The following EYA4 variants were observed in gnomAD, a reference collection of about 807,000 sequenced individuals.
EYA4 encodes the protein EYA transcriptional coactivator and phosphatase 4.
In EYA4, 31 loss-of-function variants were observed where a neutral mutation model predicts 87.9. The ratio of observed to expected loss-of-function variants is 0.35; its 90% CI spans 0.27 to 0.48. The LOEUF (loss-of-function observed/expected upper bound fraction) is 0.48, where lower values mean the gene tolerates loss of function less well. EYA4 is among the 20% of genes least tolerant of loss of function. The probability of loss-of-function intolerance (pLI) is 0.99; values close to 1 mark genes in which losing one functional copy is unlikely to be tolerated. For synonymous variants in EYA4, 263 were observed against 270.6 expected (o/e 0.97, Z 0.28); for missense variants, 678 against 761.4 (o/e 0.89, Z 1.29).
intron 2 of EYA4, among the ~76,000 whole-genome samples, chr6:133,329,309 T>C (rs990380187): frequency 6.6e-6 from 1 of 152,014 alleles, no homozygotes; most frequent in Non-Finnish European, 1.5e-5. Flanking sequence ...CAGTCTAGAG[T>C]GCAATACTCC....
intron 2 of EYA4, among the ~76,000 whole-genome samples, chr6:133,320,690 C>G (rs151294074): frequency 1.3e-5 from 2 of 152,232 alleles, no homozygotes; most frequent in African/African-American, 4.8e-5. Context: ...ACCCTCCCCT[C>G]TTTTTGGATT....
rs73557715 is a variant in EYA4 at position 133,264,222 on chromosome 6, G to T, written c.-65-10494G>T. On this transcript the variant is annotated intron_variant, in intron 1 of 19. Coordinates refer to ENST00000355286, the MANE Select transcript of EYA4 (RefSeq NM_004100.5). ...CCCCAGAACTACTACTTGGGACGGT[G>T]GTCCCAGGGAGCAAAAAACACCCCT... Among the ~76,000 whole-genome samples the T allele has an allele frequency of 3.4e-3, 515 of 152,306 alleles. 6 individuals are homozygous for T. Among genetic ancestry groups the T allele is most frequent in the African/African-American group, 0.012 (488 of 41,582 alleles).
chr6:133,314,279 A>G (rs914607401), intron 2 of EYA4, among the ~76,000 whole-genome samples: 2 of 152,184 alleles, frequency 1.3e-5, no homozygotes, highest in African/African-American at 4.8e-5. Context: ...GTTATACACA[A>G]AAGTTGTTAA....
At chr6:133,403,275 A>G (rs1010201304) in intron 3 of EYA4, among the ~76,000 whole-genome samples, 5 of 152,228 alleles carry the variant, frequency 3.3e-5, no homozygotes, top group African/African-American at 9.6e-5. Flanking sequence ...CTTTAAAACC[A>G]TCTTGATTTG....
Position 133,456,630 on chromosome 6 carries a change from G to A in EYA4, c.352G>A (p.Asp118Asn), listed in dbSNP as rs768809523. Residue 118 changes from aspartate to asparagine, a missense_variant, in exon 6 of 20, where the codon GAC becomes AAC. By Grantham distance (23) the Asp-to-Asn change is conservative. Transcript: ENST00000355286. The stretch of plus-strand genomic sequence containing the variant: ...AGCCACGACTGGAGATGGAGCGCTT[G>A]ACACTTTTACTGGGTCAGGTAAAGC... The part of the protein sequence containing the change: ...TTATTGDGAL[D>N]TFTGSVITSS... The A allele has an allele frequency of 9.9e-6, 16 of 1,613,048 alleles. No individual in the cohort carries two copies. In the South Asian group the frequency reaches 1.6e-4, roughly 17 times the overall value.
intron 11 of EYA4, among the ~76,000 whole-genome samples, chr6:133,469,946 C>T (rs1028266860): frequency 1.3e-5 from 2 of 151,416 alleles, no homozygotes; most frequent in African/African-American, 2.4e-5. Flanking sequence ...TGTTTGTTTT[C>T]TTCTTGTAAA....
Position 133,448,090 on chromosome 6 carries a change from T to C in EYA4, c.209-21T>C, listed in dbSNP as rs1171715651. The C allele has an allele frequency of 3.1e-6, 5 of 1,601,630 alleles. No homozygotes were observed. In the African/African-American group the frequency reaches 5.4e-5, roughly 17 times the overall value. On this transcript the variant is annotated intron_variant, in intron 4 of 19. Coordinates refer to ENST00000355286, the MANE Select transcript of EYA4 (RefSeq NM_004100.5). ...CAGCAGGCATTCAGACAATGAACTT[T>C]TATACTGTTCCTGTTCTCAGGGGAA...
intron 2 of EYA4, among the ~76,000 whole-genome samples, chr6:133,373,691 A>T (rs1158588244): frequency 6.6e-6 from 1 of 152,084 alleles, no homozygotes; most frequent in Non-Finnish European, 1.5e-5. Flanking sequence ...GACACCCAGG[A>T]CGGCAAAGAA....
intron 2 of EYA4, among the ~76,000 whole-genome samples, chr6:133,308,166 G>T (rs980181666): frequency 2.0e-5 from 3 of 152,164 alleles, no homozygotes. Context: ...CCAGTCTCAG[G>T]TGTTTCTTCA....
At chr6:133,260,488 T>C (rs1775712053) in intron 1 of EYA4, among the ~76,000 whole-genome samples, 1 of 152,192 alleles carries the variant, frequency 6.6e-6, no homozygotes, top group Admixed American at 6.5e-5. Context: ...TCTGCCTGCC[T>C]GAGCCTCCCA....
intron 2 of EYA4, among the ~76,000 whole-genome samples, chr6:133,276,522 A>G (rs1777177416): frequency 6.6e-6 from 1 of 152,234 alleles, no homozygotes; most frequent in Non-Finnish European, 1.5e-5. Flanking sequence ...CTTGTAAATC[A>G]GATATGGTGT....
intron 17 of EYA4, among the ~76,000 whole-genome samples, chr6:133,522,162 TAG>T (rs1800231644): frequency 1.5e-5 from 2 of 137,370 alleles, no homozygotes; most frequent in Admixed American, 1.5e-4. Context: ...ATCTACATGG[TAG>T]AGTAGTTTTT....
intron 1 of EYA4, among the ~76,000 whole-genome samples, chr6:133,274,248 A>G (rs552976926): frequency 6.6e-6 from 1 of 152,302 alleles, no homozygotes; most frequent in Non-Finnish European, 1.5e-5. Context: ...AGTGAAGAGT[A>G]ATTATTTTTC....
chr6:133,432,352 C>T (rs1166226419), intron 3 of EYA4, among the ~76,000 whole-genome samples: 1 of 152,240 alleles, frequency 6.6e-6, no homozygotes, highest in Non-Finnish European at 1.5e-5. Flanking sequence ...CATTTCTCAT[C>T]TTGCTCTTTG....
chr6:133,393,182 CAT>C (rs1331417546), intron 3 of EYA4, among the ~76,000 whole-genome samples: 1 of 152,066 alleles, frequency 6.6e-6, no homozygotes, highest in Non-Finnish European at 1.5e-5. Flanking sequence ...TGAGTAGAAA[CAT>C]AGAAGCTTTT....
At chr6:133,364,063 A>G (rs1784674975) in intron 2 of EYA4, among the ~76,000 whole-genome samples, 1 of 152,154 alleles carries the variant, frequency 6.6e-6, no homozygotes, top group South Asian at 2.1e-4. Flanking sequence ...GTTCAGCCTC[A>G]CCATCACCTG....
intron 1 of EYA4, among the ~76,000 whole-genome samples, chr6:133,244,458 G>A (rs1158013510): frequency 1.3e-5 from 2 of 151,782 alleles, no homozygotes; most frequent in Admixed American, 6.6e-5. Flanking sequence ...GTATAAAAAG[G>A]AATAATAATT....
intron 11 of EYA4, among the ~76,000 whole-genome samples, chr6:133,469,447 G>A (rs75400703): frequency 0.038 from 5,729 of 151,994 alleles, 369 homozygotes; most frequent in African/African-American, 0.13. Context: ...CAGATTACCT[G>A]ATTTAAAGAC....
chr6:133,282,588 G>A (rs1297433895), intron 2 of EYA4, among the ~76,000 whole-genome samples: 1 of 98,270 alleles, frequency 1.0e-5, no homozygotes, highest in African/African-American at 5.8e-5. Context: ...ATATGTGTGT[G>A]TATATATATA....
Sources: gnomAD v4.1 joint callset for allele counts (sites outside exome capture counted in the v4.1 genomes callset) on GRCh38, gnomAD v4.1.1 for gene constraint, MANE v1.5 for transcripts, NCBI Gene and HGNC (gene_info 2026-07-23, HGNC 2026-07-21) for gene names.